The following LRRC19 variants were observed in gnomAD, a reference collection of about 807,000 sequenced individuals.
LRRC19 encodes the protein leucine-rich repeat-containing protein 19.
In LRRC19, 33 loss-of-function variants were observed where a neutral mutation model predicts 33.3. The observed-to-expected ratio is 0.99, with a 90% CI of 0.75 to 1.33. The LOEUF (loss-of-function observed/expected upper bound fraction) is 1.33, where lower values mean the gene tolerates loss of function less well. Among genes scored for constraint, LRRC19 ranks in the 40% most tolerant of loss-of-function variants. The pLI is 0.00. For synonymous variants in LRRC19, 184 were observed against 152.3 expected (o/e 1.21, Z -1.53); for missense variants, 463 against 417.3 (o/e 1.11, Z -0.95).
chr9:26,999,514 C>T, intron 2 of LRRC19, 100 bp downstream of exon 2: 1 of 831,614 alleles, frequency 1.2e-6, no homozygotes, highest in Non-Finnish European at 1.8e-6. Context: ...TTTAGTAGGT[C>T]AGATTTTCTT....
intron 3 of LRRC19, 39 bp downstream of exon 3, chr9:26,997,689 T>G (rs201778807): frequency 1.9e-6 from 3 of 1,543,936 alleles, no homozygotes; most frequent in Non-Finnish European, 2.6e-6. Context: ...GAACATTGAG[T>G]TAATCACATT....
At chr9:26,996,534 G>A (rs1188096205) in intron 3 of LRRC19, 35 bp from the exon 4 acceptor site, 8 of 1,288,286 alleles carry the variant, frequency 6.2e-6, no homozygotes, top group Non-Finnish European at 8.1e-6. Flanking sequence ...TTAGTATAGA[G>A]AAAAATAATA....
At position 26,997,899 on chromosome 9, in the gene LRRC19, CA is replaced by C. The variant is rs770120036; in HGVS notation, c.423del (p.Phe141LeufsTer4). The C allele has an allele frequency of 6.2e-7, 1 of 1,614,130 alleles. No individual in the cohort carries two copies. Among genetic ancestry groups the C allele is most frequent in the South Asian group, 1.1e-5 (1 of 91,080 alleles). ...AGAAGTTTTAGGCTTCTTAGAGGCA[CA>C]AATACATCAGCATTCAGTTGTTCTA... is the stretch of plus-strand genomic sequence containing the variant. The part of the protein sequence containing the change: ...NKIEQLNADV[F>X]VPLRSLKLLN... On this transcript the variant is annotated frameshift_variant, in exon 3 of 5. Transcript: ENST00000380055. LOFTEE classifies it high-confidence loss of function.
intron 3 of LRRC19, 123 bp from the exon 4 acceptor site, chr9:26,996,622 T>C: frequency 3.5e-6 from 2 of 571,798 alleles, no homozygotes; most frequent in Non-Finnish European, 5.4e-6. Flanking sequence ...AAGAAATTCC[T>C]GTTGTATTTG....
In LRRC19 at chr9:26,998,135, C is replaced by A. The variant is rs775016978; in HGVS notation, c.188G>T (p.Gly63Val). The change falls in exon 3 of 5, where the codon GGT becomes GTT. Residue 63 changes from glycine to valine, a missense_variant. Gly to Val is a moderately radical substitution (Grantham distance 109). Coordinates refer to ENST00000380055, the MANE Select transcript of LRRC19 (RefSeq NM_022901.3). ...TGTCTGTAGAACTCTTGTGTCTGTA[C>A]CATTAAGAGTAATTTGGTTATAACT... ...DLSYNQITLNGTDTRVLQTYF... is the reference protein window; with the variant it reads ...DLSYNQITLNVTDTRVLQTYF... 1 of 1,610,330 alleles carries A rather than the reference C, an allele frequency of 6.2e-7. No homozygotes were observed. The highest frequency in any genetic ancestry group is 8.5e-7 in the Non-Finnish European group (1 of 1,177,202).
Position 26,995,765 on chromosome 9 carries a change from G to T in LRRC19, c.869C>A (p.Ala290Asp). Residue 290 changes from alanine (A) to aspartate (D), a missense_variant, in exon 5 of 5, where the codon GCT (alanine) becomes GAT (aspartate). By Grantham distance (126) the Ala-to-Asp change is moderately radical. Transcript: ENST00000380055. ...VLTTSLLIFI[A>D]IKCPIWYNIL... ...ATTGTACCATATTGGGCATTTGATA[G>T]CAATAAAAATGAGAAGTGAAGTCGT... The T allele has an allele frequency of 6.2e-7, 1 of 1,613,696 alleles. No homozygotes were observed. Among genetic ancestry groups the T allele is most frequent in the South Asian group, 1.1e-5 (1 of 91,056 alleles).
chr9:26,995,340 T>G lies in LRRC19; in HGVS notation c.*181A>C. 1 of 520,360 alleles carries G rather than the reference T, an allele frequency of 1.9e-6. No individual in the cohort carries two copies. Among genetic ancestry groups the G allele is most frequent in the Non-Finnish European group, 3.5e-6 (1 of 289,812 alleles). 32.2% of individuals were successfully genotyped at this position (520,360 alleles called of 1,614,324 possible). On this transcript the variant is annotated 3_prime_UTR_variant, in exon 5 of 5. Transcript: ENST00000380055. ...ACTGTCAACTACCGAGGAGTGTCAG[T>G]TACTGTATTTGAACCTGCTTGCTCA...
In LRRC19 at chr9:26,997,144, G is replaced by A. The variant is rs552403315; in HGVS notation, c.595+584C>T. ...GGAGAATCACTTGAACCTGGGAGGCGGAGGTTGTGGTGAGCTGAGATCACG... is the reference window on the plus strand; with the variant it reads ...GGAGAATCACTTGAACCTGGGAGGCAGAGGTTGTGGTGAGCTGAGATCACG... On this transcript the variant is annotated intron_variant, in intron 3 of 4. Coordinates refer to ENST00000380055, the MANE Select transcript of LRRC19 (RefSeq NM_022901.3). Among the ~76,000 whole-genome samples the A allele has an allele frequency of 1.7e-4, 26 of 151,598 alleles. No individual in the cohort carries two copies. In the South Asian group the frequency reaches 5.5e-3, roughly 32 times the overall value.
intron 4 of LRRC19, among the ~76,000 whole-genome samples, chr9:26,996,057 T>C (rs894059646): frequency 6.6e-6 from 1 of 152,348 alleles, no homozygotes; most frequent in East Asian, 1.9e-4. Context: ...AAGACCATTA[T>C]TGATTTATAC....
Position 26,995,550 on chromosome 9 carries a change from C to G in LRRC19, c.1084G>C (p.Asp362His). The G allele has an allele frequency of 1.3e-6, 2 of 1,580,454 alleles. No individual in the cohort carries two copies. Among genetic ancestry groups the G allele is most frequent in the Non-Finnish European group, 1.7e-6 (2 of 1,157,388 alleles). The change falls in exon 5 of 5, where the codon GAT becomes CAT. Residue 362 changes from aspartate (D) to histidine (H), a missense_variant. Coordinates refer to ENST00000380055, the MANE Select transcript of LRRC19 (RefSeq NM_022901.3). ...TTTTCTTCACATAATTCATGGATATCTATATATTTGTCTTCAATAAATCCA... is the reference window on the plus strand; with the variant it reads ...TTTTCTTCACATAATTCATGGATATGTATATATTTGTCTTCAATAAATCCA... ...DDGFIEDKYI[D>H]IHELCEEN
Position 26,995,628 on chromosome 9 carries a change from CAG to C in LRRC19, c.1004_1005del (p.Ser335Ter), listed in dbSNP as rs1828108925. 1 of 1,613,172 alleles carries C rather than the reference CAG, an allele frequency of 6.2e-7. No individual in the cohort carries two copies. The highest frequency in any genetic ancestry group is 8.5e-7 in the Non-Finnish European group (1 of 1,179,384). On this transcript the variant is annotated frameshift_variant, in exon 5 of 5. Transcript: ENST00000380055. LOFTEE classifies it high-confidence loss of function. ...TGTTCAAATATTACTGTAGTTTCTT[CAG>C]AGTTTGTTTCTGGTATCTGTGAAAG... ...SSLSQIPETNSEETTVIFEQL... is the reference protein window; with the variant it reads ...SSLSQIPETNXEETTVIFEQL...
At chr9:26,997,683 A>G (rs758059684) in intron 3 of LRRC19, 45 bp downstream of exon 3, 3 of 1,535,396 alleles carry the variant, frequency 2.0e-6, no homozygotes, top group South Asian at 2.6e-5. Context: ...GTGGTGGAAC[A>G]TTGAGTTAAT....
Position 26,995,869 on chromosome 9 carries a change from G to C in LRRC19, c.785-20C>G. The stretch of plus-strand genomic sequence containing the variant: ...CATGTTCTTTAATGGAATACCAAGA[G>C]AGGAGAGAGAAAGAAAATTTGTTAA... On this transcript the variant is annotated intron_variant, in intron 4 of 4. Transcript: ENST00000380055. The C allele has an allele frequency of 6.5e-7, 1 of 1,539,722 alleles. No individual in the cohort carries two copies. Among genetic ancestry groups the C allele is most frequent in the Non-Finnish European group, 8.7e-7 (1 of 1,143,162 alleles).
At chr9:26,996,527 G>C (rs760733699) in intron 3 of LRRC19, 28 bp from the exon 4 acceptor site, 6 of 1,328,804 alleles carry the variant, frequency 4.5e-6, no homozygotes, top group East Asian at 2.7e-5. Context: ...ATAAGATTTA[G>C]TATAGAGAAA....
At chr9:26,996,088 A>T (rs1459343061) in intron 4 of LRRC19, among the ~76,000 whole-genome samples, 1 of 152,162 alleles carries the variant, frequency 6.6e-6, no homozygotes, top group Non-Finnish European at 1.5e-5. Context: ...TTGTGACTAG[A>T]CTAGTTAAAA....
chr9:26,998,014 A>C lies in LRRC19; in HGVS notation c.309T>G (p.Asn103Lys), dbSNP rs771683893. ...FGNLSSLEIL[N>K]ICRNSIYVIQ... is the part of the protein sequence containing the mutation. ...TTACATAGATGGAGTTTCTACAGAT[A>C]TTTAAAATTTCTAGACTGGAGAGGT... The change falls in exon 3 of 5, where the codon AAT becomes AAG. Residue 103 changes from asparagine (N) to lysine (K), a missense_variant. By Grantham distance (94) the Asn-to-Lys change is moderately conservative. Coordinates refer to ENST00000380055, the MANE Select transcript of LRRC19 (RefSeq NM_022901.3). The C allele has an allele frequency of 6.2e-7, 1 of 1,613,924 alleles. No homozygotes were observed. The highest frequency in any genetic ancestry group is 8.5e-7 in the Non-Finnish European group (1 of 1,179,904).
intron 1 of LRRC19, 23 bp from the exon 2 acceptor site, chr9:26,999,726 C>T (rs781058771): frequency 9.5e-7 from 1 of 1,056,060 alleles, no homozygotes; most frequent in South Asian, 1.5e-5. Context: ...AGAGTATTTT[C>T]ATTAAGGACA....
chr9:27,002,681 G>C (rs1828564847), intron 1 of LRRC19, among the ~76,000 whole-genome samples: 1 of 152,142 alleles, frequency 6.6e-6, no homozygotes, highest in Admixed American at 6.5e-5. Flanking sequence ...ATGCTGATTT[G>C]GTTACTATAG....
In LRRC19 at chr9:26,993,714, T is replaced by A. The variant is rs1827994447; in HGVS notation, c.*1807A>T. On this transcript the variant is annotated 3_prime_UTR_variant, in exon 5 of 5. Coordinates refer to ENST00000380055, the MANE Select transcript of LRRC19 (RefSeq NM_022901.3). Reference sequence around the variant, plus strand: ...TACACAGAAATAGCATACTATACCATACACAACATACACAGAAGTAGCATA... The same window carrying A: ...TACACAGAAATAGCATACTATACCAAACACAACATACACAGAAGTAGCATA... The A allele has an allele frequency of 1.3e-5, 2 of 152,138 alleles. No homozygotes were observed. The highest frequency in any genetic ancestry group is 6.6e-5 in the Admixed American group (1 of 15,256). The allele number at this position is 152,138 out of a possible 1,614,324, so 9.4% of individuals were successfully genotyped here.
Sources: allele counts gnomAD v4.1 joint callset (sites outside exome capture counted in the v4.1 genomes callset), GRCh38; gene constraint gnomAD v4.1.1; transcripts MANE v1.5; gene names NCBI Gene and HGNC (gene_info 2026-07-23, HGNC 2026-07-21).